CSMD1: variants seen among roughly 807,000 people sequenced by gnomAD.
CSMD1 encodes CUB and Sushi multiple domains 1, also known as CUB and sushi domain-containing protein 1.
Under a neutral mutation model 417.5 loss-of-function variants are expected in CSMD1, and 213 were observed. The ratio of observed to expected loss-of-function variants is 0.51; its 90% CI spans 0.46 to 0.57. CSMD1 has a LOEUF of 0.57. Among genes scored for constraint, CSMD1 ranks in the 20% least tolerant of loss-of-function variants. CSMD1 has a pLI of 0.00. For missense variants in CSMD1, 6,923 were observed against 4,529.7 expected, an observed-to-expected ratio of 1.53 and a Z score of -15.17; for synonymous variants, 2,862 against 1,736.8, an observed-to-expected ratio of 1.65 and a Z score of -16.11.
At position 2,949,387 on chromosome 8, in the gene CSMD1, C is replaced by T; in HGVS notation, c.10315-1G>A. On this transcript the variant is annotated splice_acceptor_variant, in intron 67 of 69. Coordinates refer to ENST00000635120, the MANE Select transcript of CSMD1 (RefSeq NM_033225.6). LOFTEE classifies it high-confidence loss of function. The stretch of plus-strand genomic sequence containing the variant: ...CTCCTCTTTCAAGTCCAGATGACAC[C>T]TGACACATAGGAAAGAAAAGAAAAG... 1 of 1,265,472 alleles carries T rather than the reference C, an allele frequency of 7.9e-7. No individual in the cohort carries two copies. Among genetic ancestry groups the T allele is most frequent in the Non-Finnish European group, 1.1e-6 (1 of 904,092 alleles). 78.4% of individuals were successfully genotyped at this position (1,265,472 alleles called of 1,614,324 possible).
intron 1 of CSMD1, among the ~76,000 whole-genome samples, chr8:4,746,485 G>C (rs193284373): frequency 6.6e-6 from 1 of 152,182 alleles, no homozygotes; most frequent in Non-Finnish European, 1.5e-5. Flanking sequence ...TGAGTGATTC[G>C]TGTCTTTATC....
intron 46 of CSMD1, among the ~76,000 whole-genome samples, chr8:3,098,150 T>C (rs2129011427): frequency 6.6e-6 from 1 of 152,322 alleles, no homozygotes; most frequent in East Asian, 1.9e-4. Context: ...TTACTGGTAA[T>C]GGTTCAAAAA....
chr8:3,658,395 A>C (rs1359825867), intron 7 of CSMD1, among the ~76,000 whole-genome samples: 1 of 150,560 alleles, frequency 6.6e-6, no homozygotes, highest in African/African-American at 2.4e-5. Flanking sequence ...AATCATCCCA[A>C]TCTTAAAAGT....
At chr8:3,603,136 G>A (rs1186958981) in intron 8 of CSMD1, among the ~76,000 whole-genome samples, 2 of 152,086 alleles carry the variant, frequency 1.3e-5, no homozygotes, top group Non-Finnish European at 2.9e-5. Context: ...GAGTGTCAAT[G>A]GGATATTATT....
intron 5 of CSMD1, among the ~76,000 whole-genome samples, chr8:3,919,346 T>C (rs1380976223): frequency 6.6e-6 from 1 of 152,128 alleles, no homozygotes; most frequent in Non-Finnish European, 1.5e-5. Context: ...GTTTCATTCC[T>C]CTGCACGACA....
intron 8 of CSMD1, among the ~76,000 whole-genome samples, chr8:3,600,925 T>C (rs17128): frequency 0.052 from 7,876 of 152,262 alleles, 274 homozygotes; most frequent in African/African-American, 0.097. Context: ...TGATTGAAAA[T>C]GTGGATAGAG....
At chr8:3,243,451 G>C (rs1449112888) in intron 26 of CSMD1, among the ~76,000 whole-genome samples, 1 of 145,152 alleles carries the variant, frequency 6.9e-6, no homozygotes, top group Non-Finnish European at 1.5e-5. Flanking sequence ...GTAGGTAAAG[G>C]AAAATTACAG....
chr8:4,965,053 A>T (rs1486846951), intron 1 of CSMD1, among the ~76,000 whole-genome samples: 1 of 152,222 alleles, frequency 6.6e-6, no homozygotes, highest in Non-Finnish European at 1.5e-5. Context: ...GAAGGAATCA[A>T]ATATATTTCA....
At chr8:4,067,416 A>G (rs987230388) in intron 3 of CSMD1, among the ~76,000 whole-genome samples, 1 of 152,196 alleles carries the variant, frequency 6.6e-6, no homozygotes, top group Non-Finnish European at 1.5e-5. Flanking sequence ...AGACTAATGA[A>G]TATTTCCCAG....
At chr8:4,619,098 A>G (rs1009443801) in intron 2 of CSMD1, among the ~76,000 whole-genome samples, 4 of 152,158 alleles carry the variant, frequency 2.6e-5, no homozygotes, top group Non-Finnish European at 5.9e-5. Flanking sequence ...AATAATAAAT[A>G]TCCTGGTTGA....
intron 20 of CSMD1, among the ~76,000 whole-genome samples, chr8:3,362,742 C>A (rs1354567621): frequency 6.6e-6 from 1 of 152,146 alleles, no homozygotes. Flanking sequence ...AACAGAGCAT[C>A]CTCATTCATG....
chr8:3,895,778 C>T (rs576630405), intron 5 of CSMD1, among the ~76,000 whole-genome samples: 6 of 152,252 alleles, frequency 3.9e-5, no homozygotes, highest in Middle Eastern at 3.4e-3. Context: ...ATATTTCCTA[C>T]GGTCATAACT....
chr8:4,034,182 G>A (rs936954386), intron 3 of CSMD1, among the ~76,000 whole-genome samples: 15 of 152,180 alleles, frequency 9.9e-5, no homozygotes, highest in Middle Eastern at 6.8e-3. Flanking sequence ...ATACGGAATA[G>A]GAATCATCTA....
chr8:3,262,219 A>ATC (rs1355985250), intron 26 of CSMD1, among the ~76,000 whole-genome samples: 1 of 129,578 alleles, frequency 7.7e-6, no homozygotes, highest in African/African-American at 3.2e-5. Flanking sequence ...ATATATATAT[A>ATC]TATATATATA....
chr8:4,984,350 T>TCTG (rs1171418611), intron 1 of CSMD1, among the ~76,000 whole-genome samples: 3 of 152,218 alleles, frequency 2.0e-5, no homozygotes, highest in Non-Finnish European at 4.4e-5. Flanking sequence ...TGCATATAAA[T>TCTG]CTGCATATTT....
chr8:3,974,755 C>A (rs532935433), intron 5 of CSMD1, among the ~76,000 whole-genome samples: 1 of 151,772 alleles, frequency 6.6e-6, no homozygotes, highest in Non-Finnish European at 1.5e-5. Flanking sequence ...GGTATACTTA[C>A]GGAATTCTTT....
chr8:4,215,246 T>C (rs1035923857), intron 3 of CSMD1, among the ~76,000 whole-genome samples: 19 of 152,214 alleles, frequency 1.2e-4, no homozygotes, highest in South Asian at 4.1e-4. Context: ...AGAGATGTGC[T>C]TTTCTCCTGT....
At chr8:3,659,101 G>C (rs1448304816) in intron 7 of CSMD1, among the ~76,000 whole-genome samples, 2 of 152,108 alleles carry the variant, frequency 1.3e-5, no homozygotes, top group Non-Finnish European at 2.9e-5. Context: ...AATTATTTCA[G>C]AACAATTTAC....
rs188163643 is a variant in CSMD1 at position 4,247,241 on chromosome 8, G to A, written c.415+172712C>T. Among the ~76,000 whole-genome samples the A allele has an allele frequency of 5.3e-5, 8 of 152,264 alleles. No homozygotes were observed. The East Asian group carries it at 1.5e-3, about 29-fold the overall frequency. On this transcript the variant is annotated intron_variant, in intron 3 of 69. Transcript: ENST00000635120. ...GGAACAGCGAGAAAGGGACCCTCAA[G>A]TAACTATTGAGTACAATGACCAAAG...
Sources: allele counts gnomAD v4.1 joint callset (sites outside exome capture counted in the v4.1 genomes callset), GRCh38; gene constraint gnomAD v4.1.1; transcripts MANE v1.5; gene names NCBI Gene and HGNC (gene_info 2026-07-23, HGNC 2026-07-21).